Variants in PLEKHG6 observed in about 807,000 individuals in gnomAD.
PLEKHG6 encodes the protein pleckstrin homology and RhoGEF domain containing G6.
PLEKHG6 carries 91 observed loss-of-function variants against 97.5 expected under a neutral mutation model. That is an observed-to-expected ratio of 0.93 (90% CI 0.79 to 1.11). The LOEUF (loss-of-function observed/expected upper bound fraction) is 1.11, where lower values mean the gene tolerates loss of function less well. Among genes scored for constraint, PLEKHG6 ranks in the 50% most tolerant of loss-of-function variants. The probability of loss-of-function intolerance (pLI) is 0.00; values close to 1 mark genes in which losing one functional copy is unlikely to be tolerated. For synonymous variants in PLEKHG6, 466 were observed against 425.5 expected, an observed-to-expected ratio of 1.10 and a Z score of -1.17; for missense variants, 1,044 against 1,031.0, an observed-to-expected ratio of 1.01 and a Z score of -0.17.
Position 6,314,071 on chromosome 12 carries a change from C to G in PLEKHG6, c.294+287C>G, listed in dbSNP as rs143762138. On this transcript the variant is annotated intron_variant, in intron 3 of 15. Transcript: ENST00000684764. ...GTCAAATTACCAAGTTGCTGAGAGT[C>G]AGGTATGCTCTCTCTATCCTCAGTG... 3.8e-3 allele frequency among the ~76,000 whole-genome samples: 579 copies of G among 152,324 alleles called. 2 individuals carry two copies. The highest frequency in any genetic ancestry group is 0.013 in the African/African-American group (543 of 41,564).
intron 8 of PLEKHG6, 62 bp from the exon 9 acceptor site, chr12:6,317,485 G>C (rs1345797721): frequency 6.2e-7 from 1 of 1,612,448 alleles, no homozygotes; most frequent in South Asian, 1.1e-5. Context: ...GCCTGAGGCT[G>C]AGTTCACCAC....
Position 6,327,774 on chromosome 12 carries a change from C to G in PLEKHG6, c.2191C>G (p.Arg731Gly), listed in dbSNP as rs146608432. The G allele has an allele frequency of 2.6e-6, 4 of 1,532,000 alleles. No homozygotes were observed. In the East Asian group the frequency reaches 9.0e-5, roughly 35 times the overall value. 94.9% of individuals were successfully genotyped at this position (1,532,000 alleles called of 1,614,324 possible). A position where few individuals can be genotyped will look rare whatever the true frequency, so the allele number is the denominator to read the frequency against. Residue 731 changes from arginine to glycine, a missense_variant, in exon 15 of 16, where the codon CGC becomes GGC. Coordinates refer to ENST00000684764, the MANE Select transcript of PLEKHG6 (RefSeq NM_001384598.1). ...CCTGAAAGCTGGCCACACATCCCTG[C>G]GCCCAATGCGGGCTGAGGACATGCT... ...LFLKAGHTSL[R>G]PMRAEDMLRE...
In PLEKHG6 at chr12:6,328,052, A is replaced by C. The variant is rs141132668; in HGVS notation, c.2364-84A>C. ...GCAAAGCAGGAACAGGGGCTGAGGCAGGAAGGGCTCTCCGCCTCACTCTTC... is the reference window on the plus strand; with the variant it reads ...GCAAAGCAGGAACAGGGGCTGAGGCCGGAAGGGCTCTCCGCCTCACTCTTC... On this transcript the variant is annotated intron_variant, in intron 15 of 15. Coordinates refer to ENST00000684764, the MANE Select transcript of PLEKHG6 (RefSeq NM_001384598.1). 6 of 1,581,352 alleles carry C rather than the reference A, an allele frequency of 3.8e-6. No homozygotes were observed. The African/African-American group carries it at 5.4e-5, about 14-fold the overall frequency.
rs993979522 is a variant in PLEKHG6 at position 6,316,948 on chromosome 12, G to A, written c.757-355G>A. ...AGGCTTCTGAGCCAACTCTTAGGTC[G>A]CCACCCCACCCCCAGGGTGAAATGG... On this transcript the variant is annotated intron_variant, in intron 7 of 15. Transcript: ENST00000684764. The surrounding 1 kb of genome is among the most constrained non-coding windows in gnomAD (Gnocchi z 4.1). Among the ~76,000 whole-genome samples the A allele has an allele frequency of 3.9e-5, 6 of 152,106 alleles. No individual in the cohort carries two copies. The highest frequency in any genetic ancestry group is 7.2e-5 in the African/African-American group (3 of 41,426).
chr12:6,318,231 G>A, intron 10 of PLEKHG6, 70 bp from the exon 11 acceptor site: 1 of 1,606,428 alleles, frequency 6.2e-7, no homozygotes. Flanking sequence ...GCAGAACCAG[G>A]AGCCGCCCTT....
chr12:6,327,137 A>G (rs1248418705), intron 14 of PLEKHG6, 117 bp from the exon 15 acceptor site: 3 of 677,522 alleles, frequency 4.4e-6, no homozygotes, highest in Admixed American at 5.4e-5. Flanking sequence ...AGTGCGATGG[A>G]AAGATGATAC....
intron 14 of PLEKHG6, among the ~76,000 whole-genome samples, chr12:6,326,889 C>T (rs1178050746): frequency 1.3e-5 from 2 of 151,232 alleles, no homozygotes; most frequent in Admixed American, 6.6e-5. Context: ...GCTGCCAAAT[C>T]CCCGGGGAGT....
rs147427592 is a variant in PLEKHG6, at chr12:6,312,864, C to T, written c.138+500C>T. 61 of 1,324,868 alleles carry T rather than the reference C, an allele frequency of 4.6e-5. No homozygotes were observed. The East Asian group carries it at 1.8e-3, about 40-fold the overall frequency. 82.1% of individuals were successfully genotyped at this position (1,324,868 alleles called of 1,614,324 possible). A position where few individuals can be genotyped will look rare whatever the true frequency, so the allele number is the denominator to read the frequency against. On this transcript the variant is annotated intron_variant, in intron 2 of 15. Coordinates refer to ENST00000684764, the MANE Select transcript of PLEKHG6 (RefSeq NM_001384598.1). ...TGGCTCTCCTCCAGTCCTAACCAAG[C>T]AGAGGGGTGTGGAAGCCAGGTCTGT...
At chr12:6,319,419 G>C (rs1947624278) in intron 13 of PLEKHG6, 3 of 1,005,308 alleles carry the variant, frequency 3.0e-6, no homozygotes, top group South Asian at 1.8e-5. Context: ...CTGCACTCTA[G>C]CCTGGGTGAC....
At position 6,318,875 on chromosome 12, in the gene PLEKHG6, C is replaced by G; in HGVS notation, c.1406C>G (p.Pro469Arg). 1.2e-6 allele frequency: 2 copies of G among 1,614,244 alleles called. No homozygotes were observed. The highest frequency in any genetic ancestry group is 2.7e-5 in the African/African-American group (2 of 75,072). The change falls in exon 12 of 16, where the codon CCC becomes CGC. Residue 469 changes from proline (P) to arginine (R), a missense_variant and splice_region_variant. Physicochemically the swap from Pro to Arg is moderately radical, Grantham distance 103. Coordinates refer to ENST00000684764, the MANE Select transcript of PLEKHG6 (RefSeq NM_001384598.1). ...EKLVCQPLRD[P>R]NSFLLIHLTE... The stretch of plus-strand genomic sequence containing the variant: ...CTCGTGTGCCAACCCCTGCGAGACC[C>G]CAGTACGTCCTTCCTTCAGGGAGTC...
At chr12:6,319,340 T>C in intron 13 of PLEKHG6, 1 of 623,930 alleles carries the variant, frequency 1.6e-6, no homozygotes, top group South Asian at 2.1e-5. Context: ...CCCCATTACT[T>C]GGGAGGCTGA....
intron 11 of PLEKHG6, 45 bp downstream of exon 11, chr12:6,318,465 A>G (rs542449589): frequency 6.4e-7 from 1 of 1,558,132 alleles, no homozygotes; most frequent in African/African-American, 1.4e-5. Flanking sequence ...GCACGGTGGG[A>G]GAAGGTAAGA....
chr12:6,327,479 T>TGGGGCCCC lies in PLEKHG6; in HGVS notation c.1896_1897insGGGGCCCC (p.Pro633GlyfsTer25). On this transcript the variant is annotated frameshift_variant, in exon 15 of 16. Coordinates refer to ENST00000684764, the MANE Select transcript of PLEKHG6 (RefSeq NM_001384598.1). LOFTEE classifies it high-confidence loss of function. The stretch of plus-strand genomic sequence containing the variant: ...TGGAACTCCGGGACATCCCTCTGCG[T>TGGGGCCCC]CCCCACCCTCCCGACCCCCAAGCTC... The TGGGGCCCC allele has an allele frequency of 1.4e-5, 23 of 1,603,152 alleles. No homozygotes were observed. Among genetic ancestry groups the TGGGGCCCC allele is most frequent in the East Asian group, 2.2e-5 (1 of 44,658 alleles).
At chr12:6,323,486 C>T (rs543682914) in intron 13 of PLEKHG6, among the ~76,000 whole-genome samples, 6 of 152,298 alleles carry the variant, frequency 3.9e-5, no homozygotes, top group African/African-American at 1.2e-4. Flanking sequence ...TTATTCCTAG[C>T]GGGTCTAGCT....
At position 6,315,135 on chromosome 12, in the gene PLEKHG6, A is replaced by G. The variant is rs1447498698; in HGVS notation, c.425A>G (p.Glu142Gly). The change falls in exon 4 of 16, where the codon GAG becomes GGG. Residue 142 changes from glutamate (E) to glycine (G), a missense_variant. Glu to Gly is a moderately conservative substitution (Grantham distance 98). Coordinates refer to ENST00000684764, the MANE Select transcript of PLEKHG6 (RefSeq NM_001384598.1). The surrounding 1 kb of genome is among the most constrained non-coding windows in gnomAD (Gnocchi z 4.5). ...GGTGGCGACAGTGGCCTGACCATCG[A>G]GAAGTCCTGGAGGGAGCTGGTGCCT... ...GEGGDSGLTI[E>G]KSWRELVPGH... 1 of 1,612,148 alleles carries G rather than the reference A, an allele frequency of 6.2e-7. No individual in the cohort carries two copies. Among genetic ancestry groups the G allele is most frequent in the African/African-American group, 1.3e-5 (1 of 74,906 alleles).
At position 6,327,442 on chromosome 12, in the gene PLEKHG6, CCTT is replaced by C. The variant is rs1285349538; in HGVS notation, c.1862_1864del (p.Phe621del). 10 of 1,613,464 alleles carry C rather than the reference CCTT, an allele frequency of 6.2e-6. No individual in the cohort carries two copies. The highest frequency in any genetic ancestry group is 1.1e-5 in the South Asian group (1 of 91,058). On this transcript the variant is annotated inframe_deletion, in exon 15 of 16. Transcript: ENST00000684764. The stretch of plus-strand genomic sequence containing the variant: ...GCCCTTCGGCGGGACCCTCGCCTCA[CCTT>C]CTCCACCCTGGAACTCCGGGACATC...
At chr12:6,323,573 G>A (rs1947768962) in intron 13 of PLEKHG6, among the ~76,000 whole-genome samples, 1 of 152,220 alleles carries the variant, frequency 6.6e-6, no homozygotes, top group South Asian at 2.1e-4. Context: ...CCCAGGGACT[G>A]AGAAGAGGAA....
In PLEKHG6 at chr12:6,318,137, G is replaced by T. The variant is rs1947554787; in HGVS notation, c.1155+143G>T. On this transcript the variant is annotated intron_variant, in intron 10 of 15. Transcript: ENST00000684764. ...CTACCTGGTGGTGACAGTCCAAGGG[G>T]TACAGGTCAGAAGAGCAAAAAGGAG... 20 of 1,369,526 alleles carry T rather than the reference G, an allele frequency of 1.5e-5. No homozygotes were observed. In the South Asian group the frequency reaches 2.6e-4, roughly 18 times the overall value. 84.8% of individuals were successfully genotyped at this position (1,369,526 alleles called of 1,614,324 possible).
At position 6,315,533 on chromosome 12, in the gene PLEKHG6, C is replaced by T; in HGVS notation, c.460-21C>T. 1 of 1,455,586 alleles carries T rather than the reference C, an allele frequency of 6.9e-7. No individual in the cohort carries two copies. The highest frequency in any genetic ancestry group is 9.3e-7 in the Non-Finnish European group (1 of 1,069,580). 90.2% of individuals were successfully genotyped at this position (1,455,586 alleles called of 1,614,324 possible). On this transcript the variant is annotated intron_variant, in intron 4 of 15. Transcript: ENST00000684764. This position sits in a 1 kb window ranked among gnomAD's most constrained non-coding sequence, Gnocchi z 4.5. Reference sequence around the variant, plus strand: ...TTCTAATTATCATTCCCCAACTGAACCAGCATTCTCCCCACCCCAGGAGAT... The same window carrying T: ...TTCTAATTATCATTCCCCAACTGAATCAGCATTCTCCCCACCCCAGGAGAT...
Sources: allele counts gnomAD v4.1 joint callset (sites outside exome capture counted in the v4.1 genomes callset), GRCh38; gene constraint gnomAD v4.1.1; non-coding constraint Gnocchi (gnomAD v3.1); transcripts MANE v1.5; gene names NCBI Gene and HGNC (gene_info 2026-07-23, HGNC 2026-07-21).